Variants in PCDHA3 observed in about 807,000 individuals in gnomAD.
The protein encoded by PCDHA3 is protocadherin alpha 3, also known as protocadherin alpha-3.
Under a neutral mutation model 62.2 loss-of-function variants are expected in PCDHA3, and 41 were observed. The observed-to-expected ratio is 0.66, with a 90% CI of 0.51 to 0.86. The LOEUF is 0.86. PCDHA3 is among the 40% of genes least tolerant of loss of function. PCDHA3 has a pLI of 0.00. For missense variants in PCDHA3, 1,304 were observed against 1,241.2 expected (o/e 1.05, Z -0.76); for synonymous variants, 640 against 555.4 (o/e 1.15, Z -2.14).
In PCDHA3 at chr5:140,807,598, A is replaced by G. The variant is rs1581686501; in HGVS notation, c.2394+4007A>G. ...ACCCGCCGGTGTTCCCAGCAACACA[A>G]AAGAACCTGTCCATCGCGGAATCCA... On this transcript the variant is annotated intron_variant, in intron 1 of 3. Transcript: ENST00000522353. 15 of 1,614,200 alleles carry G rather than the reference A, an allele frequency of 9.3e-6. No homozygotes were observed. The East Asian group carries it at 1.8e-4, about 19-fold the overall frequency.
intron 1 of PCDHA3, chr5:140,828,503 C>T (rs2150156101): frequency 3.7e-6 from 6 of 1,614,238 alleles, no homozygotes; most frequent in Non-Finnish European, 5.1e-6. Context: ...GGTAGAGGAA[C>T]AAAGAGTGCT....
chr5:140,919,455 ATGT>A (rs2079137711), intron 1 of PCDHA3, among the ~76,000 whole-genome samples: 1 of 152,118 alleles, frequency 6.6e-6, no homozygotes, highest in Admixed American at 6.5e-5. Flanking sequence ...TATTCACATG[ATGT>A]TACTATTGAT....
chr5:140,839,494 A>T (rs1776252585), intron 1 of PCDHA3, among the ~76,000 whole-genome samples: 1 of 151,886 alleles, frequency 6.6e-6, no homozygotes, highest in Non-Finnish European at 1.5e-5. Flanking sequence ...GGCTCAAGTG[A>T]TCTTCCTACC....
intron 1 of PCDHA3, chr5:140,881,395 T>C: frequency 1.0e-6 from 1 of 978,940 alleles, no homozygotes; most frequent in Non-Finnish European, 1.2e-6. Context: ...TAAGTTAAAT[T>C]CTATTAAATC....
Position 140,996,899 on chromosome 5 carries a change from C to T in PCDHA3, c.2543-12728C>T, listed in dbSNP as rs529654978. Among the ~76,000 whole-genome samples, 7 of 152,226 alleles carry T rather than the reference C, an allele frequency of 4.6e-5. No individual in the cohort carries two copies. The South Asian group carries it at 1.4e-3, about 32-fold the overall frequency. ...TGTATTTTTAAATAAAATAGAATTA[C>T]ATTGTTGAAGTAAATATTAAAAAAT... is the stretch of plus-strand genomic sequence containing the variant. On this transcript the variant is annotated intron_variant, in intron 3 of 3. Transcript: ENST00000522353.
In PCDHA3 at chr5:140,802,232, T is replaced by A; in HGVS notation, c.1035T>A (p.Asp345Glu). ...TVLLEIVDIN[D>E]NVPELVIQSL... ...TACTCGAAATTGTGGACATCAATGA[T>A]AATGTACCTGAGTTAGTTATTCAAT... The change falls in exon 1 of 4, where the codon GAT (aspartate) becomes GAA (glutamate). Residue 345 changes from aspartate to glutamate, a missense_variant. Transcript: ENST00000522353. 1 of 1,614,226 alleles carries A rather than the reference T, an allele frequency of 6.2e-7. No individual in the cohort carries two copies. The highest frequency in any genetic ancestry group is 1.1e-5 in the South Asian group (1 of 91,086).
chr5:140,809,032 T>C (rs1554124955), intron 1 of PCDHA3: 1 of 1,613,838 alleles, frequency 6.2e-7, no homozygotes, highest in South Asian at 1.1e-5. Context: ...AGCCGGGGAC[T>C]GGTGGCGCGC....
intron 1 of PCDHA3, among the ~76,000 whole-genome samples, chr5:140,921,897 A>G (rs1414353237): frequency 2.0e-5 from 3 of 152,124 alleles, no homozygotes; most frequent in Non-Finnish European, 2.9e-5. Flanking sequence ...AAAGGAGGAT[A>G]AATATATATT....
At chr5:140,814,785 G>A (rs1269802125) in intron 1 of PCDHA3, 1 of 152,126 alleles carries the variant, frequency 6.6e-6, no homozygotes, top group Non-Finnish European at 1.5e-5. Context: ...TGGTTGAAAC[G>A]TTGTTATACA....
intron 1 of PCDHA3, chr5:140,828,559 C>A (rs2150156735): frequency 8.1e-6 from 13 of 1,614,056 alleles, no homozygotes; most frequent in Non-Finnish European, 1.1e-5. Flanking sequence ...CACTGGAGGG[C>A]GCGTCCGATG....
chr5:140,854,522 C>T (rs1554147313), intron 1 of PCDHA3: 1 of 149,908 alleles, frequency 6.7e-6, no homozygotes. Flanking sequence ...GATTAAGTGA[C>T]ACCCATTTCT....
At chr5:141,002,449 C>G (rs2098081029) in intron 3 of PCDHA3, among the ~76,000 whole-genome samples, 1 of 152,192 alleles carries the variant, frequency 6.6e-6, no homozygotes, top group African/African-American at 2.4e-5. Flanking sequence ...ATAATTGGCA[C>G]ATTTGTATAA....
At chr5:140,830,384 C>A (rs1169733601) in intron 1 of PCDHA3, 1 of 1,614,156 alleles carries the variant, frequency 6.2e-7, no homozygotes, top group Non-Finnish European at 8.5e-7. Context: ...GGAGGGCCCA[C>A]CCAAGATGGA....
In PCDHA3 at chr5:140,803,289, G is replaced by C. The variant is rs781851356; in HGVS notation, c.2092G>C (p.Val698Leu). ...GGAAGCTGCACTGGTGGATGTCAAC[G>C]TGTACTTGATCGTCGCCATCTGCGC... Reference protein sequence around the residue: ...GPEAALVDVNVYLIVAICAVS... With the variant: ...GPEAALVDVNLYLIVAICAVS... The change falls in exon 1 of 4, where the codon GTG (valine) becomes CTG (leucine). Residue 698 changes from valine (V) to leucine (L), a missense_variant. Transcript: ENST00000522353. The C allele has an allele frequency of 1.2e-6, 2 of 1,614,088 alleles. No individual in the cohort carries two copies. Among genetic ancestry groups the C allele is most frequent in the Non-Finnish European group, 1.7e-6 (2 of 1,179,986 alleles).
intron 1 of PCDHA3, among the ~76,000 whole-genome samples, chr5:140,941,211 C>CTCT (rs2092852939): frequency 7.7e-6 from 1 of 129,628 alleles, no homozygotes; most frequent in East Asian, 2.4e-4. Context: ...TCCTTTCTTT[C>CTCT]TTCCTTTCTT....
Position 140,822,369 on chromosome 5 carries a change from C to T in PCDHA3, c.2394+18778C>T, listed in dbSNP as rs2150115802. On this transcript the variant is annotated intron_variant, in intron 1 of 3. Coordinates refer to ENST00000522353, the MANE Select transcript of PCDHA3 (RefSeq NM_018906.3). ...TTTTAGAGCTGGTTTTGAGGAAATCCTTAGATAGAGAAGAAACACAAGAAC... is the reference window on the plus strand; with the variant it reads ...TTTTAGAGCTGGTTTTGAGGAAATCTTTAGATAGAGAAGAAACACAAGAAC... 10 of 1,613,936 alleles carry T rather than the reference C, an allele frequency of 6.2e-6. No individual in the cohort carries two copies. In the East Asian group the frequency reaches 1.3e-4, roughly 22 times the overall value.
At chr5:140,842,725 C>T in intron 1 of PCDHA3, 3 of 1,595,120 alleles carry the variant, frequency 1.9e-6, no homozygotes, top group Non-Finnish European at 2.6e-6. Flanking sequence ...AGGAGAACAA[C>T]CCGCCGGGCT....
intron 1 of PCDHA3, among the ~76,000 whole-genome samples, chr5:140,820,168 C>T (rs2150106107): frequency 1.3e-5 from 2 of 151,832 alleles, no homozygotes; most frequent in East Asian, 3.9e-4. Flanking sequence ...AACTATTAGG[C>T]AAATAGTCTG....
chr5:140,856,904 C>A, intron 1 of PCDHA3: 2 of 1,596,242 alleles, frequency 1.3e-6, no homozygotes, highest in Non-Finnish European at 1.7e-6. Context: ...TTTGGTCCCA[C>A]CCACGATAAG....
Sources: gnomAD v4.1 joint callset for allele counts (sites outside exome capture counted in the v4.1 genomes callset) on GRCh38, gnomAD v4.1.1 for gene constraint, MANE v1.5 for transcripts, NCBI Gene and HGNC (gene_info 2026-07-23, HGNC 2026-07-21) for gene names.